Variants in IGSF5 observed in about 807,000 individuals in gnomAD.
The protein encoded by IGSF5 is immunoglobulin superfamily 5 like.
In IGSF5, 41 loss-of-function variants were observed where a neutral mutation model predicts 39.4. The observed-to-expected ratio is 1.04, with a 90% CI of 0.81 to 1.35. The LOEUF is 1.35. Among genes scored for constraint, IGSF5 ranks in the 40% most tolerant of loss-of-function variants. The probability of loss-of-function intolerance (pLI) is 0.00; values close to 1 mark genes in which losing one functional copy is unlikely to be tolerated. For missense variants in IGSF5, 487 were observed against 494.6 expected, an observed-to-expected ratio of 0.98 and a Z score of 0.15; for synonymous variants, 183 against 175.3, an observed-to-expected ratio of 1.04 and a Z score of -0.34.
chr21:39,768,335 C>T (rs1201805970), intron 3 of IGSF5, among the ~76,000 whole-genome samples: 1 of 152,158 alleles, frequency 6.6e-6, no homozygotes, highest in Non-Finnish European at 1.5e-5. Flanking sequence ...GATTTTTTCA[C>T]CTCCTTATAT....
the IGSF5 span, among the ~76,000 whole-genome samples, chr21:39,725,240 A>G: frequency 2.0e-5 from 3 of 152,252 alleles, no homozygotes; most frequent in African/African-American, 7.2e-5. Context: ...TAGGAGTGCC[A>G]AGATGTTTAA....
Position 39,771,103 on chromosome 21 carries a change from C to G in IGSF5, c.606C>G (p.Ile202Met). Residue 202 changes from isoleucine (I) to methionine (M), a missense_variant, in exon 4 of 9, where the codon ATC becomes ATG. Ile to Met is a conservative substitution (Grantham distance 10). Coordinates refer to ENST00000380588, the MANE Select transcript of IGSF5 (RefSeq NM_001080444.2). ...EPSDLQSAVSILALTPQSNGT... is the reference protein window; with the variant it reads ...EPSDLQSAVSMLALTPQSNGT... ...GCGACCTTCAAAGTGCAGTGAGCAT[C>G]CTGGCTCTGACCCCACAGAGCAATG... 1 of 1,613,476 alleles carries G rather than the reference C, an allele frequency of 6.2e-7. No homozygotes were observed.
intron 5 of IGSF5, among the ~76,000 whole-genome samples, chr21:39,787,337 TA>T (rs1262918134): frequency 6.6e-6 from 1 of 152,204 alleles, no homozygotes; most frequent in Non-Finnish European, 1.5e-5. Context: ...GAACGTTATC[TA>T]AAAACTAAGG....
chr21:39,770,473 C>T (rs565283606), intron 3 of IGSF5, among the ~76,000 whole-genome samples: 8 of 152,150 alleles, frequency 5.3e-5, no homozygotes, highest in African/African-American at 1.7e-4. Context: ...GGGAGACTTG[C>T]GTCTGACCCT....
intron 2 of IGSF5, among the ~76,000 whole-genome samples, chr21:39,758,969 C>T (rs780023363): frequency 1.3e-5 from 2 of 152,192 alleles, no homozygotes; most frequent in East Asian, 1.9e-4. Flanking sequence ...TTTGTATGAT[C>T]GATGTTGAGA....
chr21:39,749,003 C>T (rs940130580), intron 2 of IGSF5, among the ~76,000 whole-genome samples: 2 of 151,810 alleles, frequency 1.3e-5, no homozygotes, highest in Non-Finnish European at 2.9e-5. Flanking sequence ...CAGCACCAGG[C>T]GCCTGTGGAA....
the IGSF5 span, among the ~76,000 whole-genome samples, chr21:39,714,143 G>A: frequency 1.3e-5 from 2 of 152,366 alleles, no homozygotes; most frequent in African/African-American, 2.4e-5. Context: ...TTGCTTGGCT[G>A]TGTGCCTTGT....
chr21:39,752,168 C>T (rs967595896), intron 2 of IGSF5, among the ~76,000 whole-genome samples: 2 of 152,176 alleles, frequency 1.3e-5, no homozygotes, highest in African/African-American at 2.4e-5. Flanking sequence ...TCCCTCACCC[C>T]GTTCCTCCCT....
intron 5 of IGSF5, 95 bp from the exon 6 acceptor site, chr21:39,788,072 T>G (rs768942858): frequency 3.3e-4 from 294 of 883,364 alleles, no homozygotes; most frequent in Non-Finnish European, 4.8e-4. Flanking sequence ...TAATGTTGGG[T>G]CTGTTAAAAT....
the IGSF5 span, among the ~76,000 whole-genome samples, chr21:39,720,568 T>G: frequency 6.6e-6 from 1 of 152,312 alleles, no homozygotes; most frequent in Admixed American, 6.5e-5. Flanking sequence ...TGCTCATAAC[T>G]GTCCTAGTGG....
chr21:39,739,086 C>T, the IGSF5 span, among the ~76,000 whole-genome samples: 142 of 152,026 alleles, frequency 9.3e-4, no homozygotes, highest in African/African-American at 2.7e-3. Context: ...ACTGCCGCCA[C>T]GCCTGGCTAA....
chr21:39,792,754 C>G (rs1261398980), intron 7 of IGSF5, among the ~76,000 whole-genome samples: 2 of 152,024 alleles, frequency 1.3e-5, no homozygotes, highest in African/African-American at 2.4e-5. Context: ...TGCTATGAGA[C>G]AATACAGAGT....
upstream of IGSF5, among the ~76,000 whole-genome samples, chr21:39,742,707 C>T (rs902682584): frequency 3.9e-5 from 6 of 152,280 alleles, no homozygotes; most frequent in South Asian, 4.1e-4. Flanking sequence ...ATTAGGCATT[C>T]GATTTGCCCA....
At chr21:39,762,493 G>C (rs973024948) in intron 2 of IGSF5, among the ~76,000 whole-genome samples, 2 of 152,138 alleles carry the variant, frequency 1.3e-5, no homozygotes, top group African/African-American at 2.4e-5. Context: ...TGGCGACCAG[G>C]GTTCCGATTA....
chr21:39,757,157 G>A (rs1156543266), intron 2 of IGSF5, among the ~76,000 whole-genome samples: 1 of 152,032 alleles, frequency 6.6e-6, no homozygotes, highest in Non-Finnish European at 1.5e-5. Context: ...CACCTTCCCG[G>A]GGGCTTTTCT....
the IGSF5 span, among the ~76,000 whole-genome samples, chr21:39,726,555 G>A: frequency 1.3e-5 from 2 of 152,194 alleles, no homozygotes. Flanking sequence ...AGGGCAGGGT[G>A]GAGGCGGTGC....
chr21:39,740,650 G>C (rs1417061047), upstream of IGSF5, among the ~76,000 whole-genome samples: 1 of 152,180 alleles, frequency 6.6e-6, no homozygotes, highest in Non-Finnish European at 1.5e-5. Flanking sequence ...CAGTATACAA[G>C]TTAGGGTTGG....
At chr21:39,746,430 A>G in intron 2 of IGSF5, 132 bp downstream of exon 2, 1 of 562,134 alleles carries the variant, frequency 1.8e-6, no homozygotes, top group Non-Finnish European at 3.2e-6. Context: ...GGTTGCTCCC[A>G]TCCCTCTTTT....
intron 2 of IGSF5, among the ~76,000 whole-genome samples, chr21:39,750,936 C>G (rs146618502): frequency 6.6e-6 from 1 of 152,240 alleles, no homozygotes; most frequent in East Asian, 1.9e-4. Context: ...GCCTTGACTC[C>G]GAAGGACTTG....
Sources: gnomAD v4.1 joint callset for allele counts (sites outside exome capture counted in the v4.1 genomes callset) on GRCh38, gnomAD v4.1.1 for gene constraint, MANE v1.5 for transcripts, NCBI Gene and HGNC (gene_info 2026-07-23, HGNC 2026-07-21) for gene names.